The following ITGB2 variants were observed in gnomAD, a reference collection of about 807,000 sequenced individuals.
ITGB2 encodes the protein integrin beta-2.
In ITGB2, 56 loss-of-function variants were observed where a neutral mutation model predicts 86.8. The observed-to-expected ratio is 0.65, with a 90% CI of 0.52 to 0.81. ITGB2 has a LOEUF of 0.81. Among genes scored for constraint, ITGB2 ranks in the 30% least tolerant of loss-of-function variants. The probability of loss-of-function intolerance (pLI) is 0.00; values close to 1 mark genes in which losing one functional copy is unlikely to be tolerated. For synonymous variants in ITGB2, 457 were observed against 450.4 expected (o/e 1.01, Z -0.19); for missense variants, 948 against 1,061.2 (o/e 0.89, Z 1.48).
At chr21:44,891,270 G>C (rs1009177562) in intron 11 of ITGB2, among the ~76,000 whole-genome samples, 34 of 152,166 alleles carry the variant, frequency 2.2e-4, no homozygotes, top group African/African-American at 8.0e-4. Flanking sequence ...CGCCTGGCAG[G>C]GGGTGTGCAC....
intron 8 of ITGB2, among the ~76,000 whole-genome samples, chr21:44,895,668 C>T (rs1601293855): frequency 1.3e-5 from 2 of 152,136 alleles, no homozygotes; most frequent in South Asian, 4.1e-4. Flanking sequence ...TGGTGAAACC[C>T]CGTCTCTACT....
chr21:44,903,772 A>G (rs993121971), intron 4 of ITGB2, among the ~76,000 whole-genome samples: 17 of 152,148 alleles, frequency 1.1e-4, no homozygotes, highest in African/African-American at 3.9e-4. Context: ...CCTCGCAGTG[A>G]CACTGAAACC....
At chr21:44,907,136 C>A (rs1019946589) in intron 3 of ITGB2, 41 bp from the exon 4 acceptor site, 4 of 1,481,196 alleles carry the variant, frequency 2.7e-6, no homozygotes, top group East Asian at 4.5e-5. Context: ...GGCCACACTG[C>A]GGGACCTGCA....
chr21:44,904,216 G>A (rs920411323), intron 4 of ITGB2, among the ~76,000 whole-genome samples: 3 of 151,960 alleles, frequency 2.0e-5, no homozygotes, highest in South Asian at 4.1e-4. Context: ...CCCCCTGGGC[G>A]GCAGGACAAG....
In ITGB2 at chr21:44,904,311, C is replaced by T. The variant is rs373021504; in HGVS notation, c.329-776G>A. On this transcript the variant is annotated intron_variant, in intron 4 of 15. Coordinates refer to ENST00000652462, the MANE Select transcript of ITGB2 (RefSeq NM_000211.5). ...GCCCCTCCTCACAGACACACACACACGCACTCCTACACATAAATACACCAC... is the reference window on the plus strand; with the variant it reads ...GCCCCTCCTCACAGACACACACACATGCACTCCTACACATAAATACACCAC... Among the ~76,000 whole-genome samples, 63 of 152,018 alleles carry T rather than the reference C, an allele frequency of 4.1e-4. 1 individual carries two copies. The South Asian group carries it at 0.01, about 25-fold the overall frequency.
chr21:44,893,274 A>T, intron 10 of ITGB2, 130 bp downstream of exon 10: 2 of 1,119,934 alleles, frequency 1.8e-6, no homozygotes, highest in Non-Finnish European at 2.7e-6. Context: ...GAGTGCTGGG[A>T]TGGGGACCCT....
intron 1 of ITGB2, among the ~76,000 whole-genome samples, chr21:44,917,065 A>G (rs2084222791): frequency 6.6e-6 from 1 of 152,234 alleles, no homozygotes. Flanking sequence ...AGGATGTTTC[A>G]AGGGTGTGGC....
intron 4 of ITGB2, 116 bp downstream of exon 4, chr21:44,906,799 G>A (rs1312370605): frequency 2.3e-5 from 26 of 1,134,796 alleles, no homozygotes; most frequent in Non-Finnish European, 3.0e-5. Flanking sequence ...ACACCCGTCC[G>A]ACCCGGACAC....
Position 44,903,815 on chromosome 21 carries a change from A to G in ITGB2, c.329-280T>C, listed in dbSNP as rs78315443. Among the ~76,000 whole-genome samples the G allele has an allele frequency of 9.0e-3, 1,370 of 152,236 alleles. 26 individuals are homozygous for G. Among genetic ancestry groups the G allele is most frequent in the African/African-American group, 0.031 (1,275 of 41,536 alleles). Reference sequence around the variant, plus strand: ...GGTGCTTAGAGTTGACGCCAGCGACATTGGGGACGCCTTTCATTGAGAGTG... The same window carrying G: ...GGTGCTTAGAGTTGACGCCAGCGACGTTGGGGACGCCTTTCATTGAGAGTG... On this transcript the variant is annotated intron_variant, in intron 4 of 15. Coordinates refer to ENST00000652462, the MANE Select transcript of ITGB2 (RefSeq NM_000211.5).
intron 5 of ITGB2, among the ~76,000 whole-genome samples, chr21:44,902,173 C>G (rs1026296562): frequency 6.6e-6 from 1 of 152,080 alleles, no homozygotes; most frequent in Non-Finnish European, 1.5e-5. Context: ...CGTAGGTGAC[C>G]AGGTACATAT....
intron 1 of ITGB2, among the ~76,000 whole-genome samples, chr21:44,915,729 A>G (rs909650378): frequency 6.6e-6 from 1 of 152,232 alleles, no homozygotes; most frequent in African/African-American, 2.4e-5. Flanking sequence ...TGGATCACAG[A>G]GGCTCCAGGA....
intron 14 of ITGB2, among the ~76,000 whole-genome samples, chr21:44,887,530 C>G (rs1440655321): frequency 1.3e-5 from 2 of 152,120 alleles, no homozygotes; most frequent in Non-Finnish European, 2.9e-5. Flanking sequence ...CCCCTCCTGC[C>G]ATCCTGACCT....
chr21:44,901,128 C>G (rs561057330), intron 6 of ITGB2, among the ~76,000 whole-genome samples: 1 of 152,130 alleles, frequency 6.6e-6, no homozygotes, highest in Non-Finnish European at 1.5e-5. Context: ...AGCGCCCACC[C>G]GGCCTGGAGG....
At chr21:44,920,619 G>A (rs547731371) in intron 1 of ITGB2, among the ~76,000 whole-genome samples, 3 of 152,314 alleles carry the variant, frequency 2.0e-5, no homozygotes, top group African/African-American at 7.2e-5. Context: ...AGCACACCAT[G>A]TGGCTCTGCT....
intron 2 of ITGB2, 26 bp from the exon 3 acceptor site, chr21:44,910,398 T>TG (rs1486739021): frequency 6.2e-7 from 1 of 1,613,534 alleles, no homozygotes; most frequent in Non-Finnish European, 8.5e-7. Context: ...GGCTGGTGAG[T>TG]GGGTGCTCTG....
upstream of ITGB2, among the ~76,000 whole-genome samples, chr21:44,925,780 T>C (rs1411117971): frequency 6.6e-6 from 1 of 152,034 alleles, no homozygotes; most frequent in Non-Finnish European, 1.5e-5. Flanking sequence ...ACACGGAGCA[T>C]TAAAACAGCT....
chr21:44,909,458 G>A (rs2084095918), intron 3 of ITGB2: 1 of 152,430 alleles, frequency 6.6e-6, no homozygotes, highest in Non-Finnish European at 1.5e-5. Context: ...CCAGATTCAA[G>A]AAGCCCAAGG....
At chr21:44,908,072 A>G in intron 3 of ITGB2, 1 of 718,008 alleles carries the variant, frequency 1.4e-6, no homozygotes, top group South Asian at 1.5e-5. Flanking sequence ...GGTAGTTTCC[A>G]CCTGGGGCCT....
chr21:44,924,307 G>A (rs1292614818), upstream of ITGB2, among the ~76,000 whole-genome samples: 1 of 152,116 alleles, frequency 6.6e-6, no homozygotes, highest in Non-Finnish European at 1.5e-5. Context: ...GCGCATGCCT[G>A]TAATCCCAGC....
Sources: gnomAD v4.1 joint callset for allele counts (sites outside exome capture counted in the v4.1 genomes callset) on GRCh38, gnomAD v4.1.1 for gene constraint, MANE v1.5 for transcripts, NCBI Gene and HGNC (gene_info 2026-07-23, HGNC 2026-07-21) for gene names.